BCAR3: variants seen among roughly 807,000 people sequenced by gnomAD.
BCAR3 encodes the protein breast cancer anti-estrogen resistance protein 3.
A neutral mutation model predicts 80.1 loss-of-function variants in BCAR3; 37 were observed. That is an observed-to-expected ratio of 0.46 (90% CI 0.36 to 0.61). The LOEUF is 0.61. Ranked by LOEUF, BCAR3 falls within the 20% of genes least tolerant of loss-of-function variation. The pLI is 0.00. For missense variants in BCAR3, 978 were observed against 1,068.2 expected, an observed-to-expected ratio of 0.92 and a Z score of 1.18; for synonymous variants, 389 against 418.9, an observed-to-expected ratio of 0.93 and a Z score of 0.87.
intron 11 of BCAR3, among the ~76,000 whole-genome samples, chr1:93,564,464 G>C (rs1672853729): frequency 6.6e-6 from 1 of 151,886 alleles, no homozygotes; most frequent in South Asian, 2.1e-4. Context: ...TTTTAGTAGA[G>C]ACGGGGTTTC....
At chr1:93,600,880 C>G (rs7524368) in intron 3 of BCAR3, 6,730 of 152,292 alleles carry the variant, frequency 0.044, 242 homozygotes, top group East Asian at 0.13. Context: ...CCTTTGGCTC[C>G]CAGAGCCTGG....
intron 3 of BCAR3, among the ~76,000 whole-genome samples, chr1:93,701,185 G>A (rs1010836360): frequency 1.6e-4 from 24 of 152,220 alleles, no homozygotes; most frequent in Admixed American, 4.6e-4. Flanking sequence ...ATGGAGCACA[G>A]GGCCTGCCAC....
chr1:93,714,674 A>C (rs573967033), intron 2 of BCAR3, among the ~76,000 whole-genome samples: 7 of 152,140 alleles, frequency 4.6e-5, no homozygotes, highest in African/African-American at 1.7e-4. Context: ...AAATTCTTTT[A>C]ACATACTAAT....
At chr1:93,816,898 T>C (rs556080347) in intron 2 of BCAR3, among the ~76,000 whole-genome samples, 37 of 151,830 alleles carry the variant, frequency 2.4e-4, no homozygotes, top group Non-Finnish European at 5.0e-4. Context: ...CAAAAACAGG[T>C]GCTAACTTGT....
intron 3 of BCAR3, chr1:93,614,157 T>C: frequency 7.5e-7 from 1 of 1,324,514 alleles, no homozygotes. Flanking sequence ...CGCAGGCTGG[T>C]GTCCAGCCTG....
chr1:93,779,027 G>T lies in BCAR3; in HGVS notation c.-63+66540C>A, dbSNP rs75215834. Among the ~76,000 whole-genome samples the T allele has an allele frequency of 1.5e-4, 23 of 152,306 alleles. No individual in the cohort carries two copies. The East Asian group carries it at 4.2e-3, about 28-fold the overall frequency. ...GATATCTTGGCCAACATCAGAAAAA[G>T]CAGTTGAGGAGGATGGGAGGAGGCA... On this transcript the variant is annotated intron_variant, in intron 2 of 13. Coordinates refer to the BCAR3 transcript ENST00000370244.
intron 2 of BCAR3, among the ~76,000 whole-genome samples, chr1:93,814,536 G>T (rs1053453757): frequency 2.0e-5 from 3 of 152,196 alleles, no homozygotes; most frequent in African/African-American, 7.2e-5. Flanking sequence ...TCCACTACCT[G>T]CAAAACCTCC....
At chr1:93,641,129 C>T (rs1047597669) in intron 3 of BCAR3, among the ~76,000 whole-genome samples, 2 of 152,174 alleles carry the variant, frequency 1.3e-5, no homozygotes, top group African/African-American at 4.8e-5. Flanking sequence ...CCCATGAAAA[C>T]ACAGCTCAGT....
At chr1:93,708,224 C>T (rs932839931) in intron 2 of BCAR3, among the ~76,000 whole-genome samples, 19 of 152,128 alleles carry the variant, frequency 1.2e-4, no homozygotes, top group South Asian at 2.1e-4. Flanking sequence ...AGTAATGGGC[C>T]AACTGCTCTA....
At chr1:93,621,760 C>T (rs1675322339) in intron 3 of BCAR3, among the ~76,000 whole-genome samples, 1 of 152,206 alleles carries the variant, frequency 6.6e-6, no homozygotes, top group East Asian at 1.9e-4. Flanking sequence ...AACAACCCCT[C>T]CTCACCACAG....
intron 2 of BCAR3, among the ~76,000 whole-genome samples, chr1:93,803,609 C>T (rs1653567093): frequency 1.3e-5 from 2 of 152,128 alleles, no homozygotes; most frequent in African/African-American, 2.4e-5. Context: ...AGTACTGAGT[C>T]CCAGAGAATG....
chr1:93,839,507 T>C (rs1390832268), intron 2 of BCAR3, among the ~76,000 whole-genome samples: 1 of 152,192 alleles, frequency 6.6e-6, no homozygotes, highest in Non-Finnish European at 1.5e-5. Flanking sequence ...ATCAGCTTGG[T>C]ACTCAAGTAT....
intron 2 of BCAR3, among the ~76,000 whole-genome samples, chr1:93,816,957 T>C (rs1174338199): frequency 2.6e-5 from 4 of 152,050 alleles, no homozygotes; most frequent in Admixed American, 6.6e-5. Context: ...AAGCAATCAG[T>C]ACATTAAACC....
intron 3 of BCAR3, among the ~76,000 whole-genome samples, chr1:93,620,014 C>T (rs192597243): frequency 1.1e-4 from 17 of 152,322 alleles, no homozygotes; most frequent in Admixed American, 6.5e-4. Flanking sequence ...GCCTGGCACC[C>T]AACACATAGT....
At chr1:93,689,401 C>A (rs140700487) in intron 3 of BCAR3, among the ~76,000 whole-genome samples, 1,652 of 151,988 alleles carry the variant, frequency 0.011, 32 homozygotes, top group African/African-American at 0.038. Context: ...TGTGGTGGCA[C>A]GCGTCTGTAG....
At chr1:93,718,611 G>A (rs1337244498) in intron 2 of BCAR3, among the ~76,000 whole-genome samples, 1 of 151,080 alleles carries the variant, frequency 6.6e-6, no homozygotes, top group East Asian at 1.9e-4. Context: ...GTGAACTAAT[G>A]TAAAGTCCCT....
intron 2 of BCAR3, among the ~76,000 whole-genome samples, chr1:93,797,425 T>C (rs1340903015): frequency 6.6e-6 from 1 of 152,156 alleles, no homozygotes; most frequent in Non-Finnish European, 1.5e-5. Flanking sequence ...CTTTTTACAA[T>C]TTAGTTTGTT....
intron 2 of BCAR3, among the ~76,000 whole-genome samples, chr1:93,742,618 A>C (rs1254315975): frequency 5.5e-4 from 84 of 152,314 alleles, no homozygotes; most frequent in Non-Finnish European, 1.5e-5. Context: ...CTATCTACAC[A>C]GATTTCATCC....
chr1:93,615,187 G>A (rs1406242779), intron 3 of BCAR3, among the ~76,000 whole-genome samples: 1 of 152,102 alleles, frequency 6.6e-6, no homozygotes, highest in Non-Finnish European at 1.5e-5. Context: ...GATCTATTCA[G>A]TCCAGAAAGG....
Sources: gnomAD v4.1 joint callset for allele counts (sites outside exome capture counted in the v4.1 genomes callset) on GRCh38, gnomAD v4.1.1 for gene constraint, MANE v1.5 for transcripts, NCBI Gene and HGNC (gene_info 2026-07-23, HGNC 2026-07-21) for gene names.